WRAP53: variants seen among roughly 807,000 people sequenced by gnomAD.
WRAP53 encodes telomerase Cajal body protein 1.
In WRAP53, 28 loss-of-function variants were observed where a neutral mutation model predicts 56.6. The ratio of observed to expected loss-of-function variants is 0.50; its 90% CI spans 0.37 to 0.68. The LOEUF (loss-of-function observed/expected upper bound fraction) is 0.68. Ranked by LOEUF, WRAP53 falls within the 30% of genes least tolerant of loss-of-function variation. WRAP53 has a pLI of 0.00. For synonymous variants in WRAP53, 283 were observed against 283.4 expected, an observed-to-expected ratio of 1.00 and a Z score of 0.01; for missense variants, 671 against 715.5, an observed-to-expected ratio of 0.94 and a Z score of 0.71.
Position 7,701,460 on chromosome 17 carries a change from G to A in WRAP53, c.733G>A (p.Val245Met), listed in dbSNP as rs144944332. The change falls in exon 6 of 11, where the codon GTG becomes ATG. Residue 245 changes from valine (V) to methionine (M), a missense_variant and splice_region_variant. Coordinates refer to ENST00000396463, the MANE Select transcript of WRAP53 (RefSeq NM_001143992.2). The surrounding 1 kb of genome is among the most constrained non-coding windows in gnomAD (Gnocchi z 4.2). ...TTTCAGTGTCCATGTCTCTCTCAGC[G>A]TGGCCAGCAGCAGCCGGGAGAACCC... The part of the protein sequence containing the change: ...MSSAQPDTSY[V>M]ASSSRENPIH... The A allele has an allele frequency of 2.5e-4, 402 of 1,614,198 alleles. 2 individuals carry two copies. The South Asian group carries it at 3.1e-3, about 13-fold the overall frequency.
intron 4 of WRAP53, among the ~76,000 whole-genome samples, chr17:7,693,181 T>C (rs1014396969): frequency 8.8e-6 from 1 of 113,876 alleles, no homozygotes; most frequent in Non-Finnish European, 1.6e-5. Context: ...CTTTCTTTTT[T>C]TTCTTTTTTT....
intron 4 of WRAP53, among the ~76,000 whole-genome samples, chr17:7,690,769 G>T (rs1031727764): frequency 6.6e-6 from 1 of 151,634 alleles, no homozygotes; most frequent in Non-Finnish European, 1.5e-5. Context: ...AAAATTAGAC[G>T]CATGTGGTGG....
rs777564749 is a variant in WRAP53 at position 7,689,669 on chromosome 17, C to T, written c.610C>T (p.His204Tyr). The change falls in exon 4 of 11, where the codon CAT (histidine) becomes TAT (tyrosine). Residue 204 changes from histidine (H) to tyrosine (Y), a missense_variant. By Grantham distance (83) the His-to-Tyr change is moderately conservative. This residue lies in a region of WRAP53 where 406 missense variants were observed against 418.5 expected (regional missense o/e 0.97). Coordinates refer to ENST00000396463, the MANE Select transcript of WRAP53 (RefSeq NM_001143992.2). Reference sequence around the variant, plus strand: ...TTATAACCTGCCCCCAGAGCTGTACCATGAGGGGGAGCAGGTGGAATATGC... The same window carrying T: ...TTATAACCTGCCCCCAGAGCTGTACTATGAGGGGGAGCAGGTGGAATATGC... ...RIYNLPPELY[H>Y]EGEQVEYAEM... 3 of 1,614,150 alleles carry T rather than the reference C, an allele frequency of 1.9e-6. No homozygotes were observed. Among genetic ancestry groups the T allele is most frequent in the South Asian group, 1.1e-5 (1 of 91,084 alleles).
chr17:7,699,171 G>T (rs1481115892), intron 4 of WRAP53, among the ~76,000 whole-genome samples: 1 of 151,392 alleles, frequency 6.6e-6, no homozygotes, highest in African/African-American at 2.4e-5. Flanking sequence ...TGTAATCCCA[G>T]CACTTTGGGA....
intron 4 of WRAP53, among the ~76,000 whole-genome samples, chr17:7,699,477 TA>T (rs1567577389): frequency 1.2e-3 from 4 of 3,382 alleles, no homozygotes; most frequent in East Asian, 0.011. Flanking sequence ...TATATATATT[TA>T]TATATATATA....
At chr17:7,691,252 C>CA (rs1207096663) in intron 4 of WRAP53, among the ~76,000 whole-genome samples, 2 of 150,294 alleles carry the variant, frequency 1.3e-5, no homozygotes, top group Non-Finnish European at 3.0e-5. Context: ...AAACACAAAA[C>CA]AAAAAACCCA....
In WRAP53 at chr17:7,703,367, C is replaced by T; in HGVS notation, c.1528C>T (p.Leu510Phe). ...CTTGCTCTCCACGCGCCACGTCCAC[C>T]TTGAATGTCGGCTTCAGCTCTGGTG... Reference protein sequence around the residue: ...LPLLSTRHVHLECRLQLWWCG... With the variant: ...LPLLSTRHVHFECRLQLWWCG... Residue 510 changes from leucine to phenylalanine, a missense_variant, in exon 11 of 11, where the codon CTT becomes TTT. Leu to Phe is a conservative substitution (Grantham distance 22). Around this residue, in one of 3 missense-constraint regions of WRAP53, gnomAD observed 107 missense variants for 81.3 expected, o/e 1.32. Transcript: ENST00000396463. 2.5e-6 allele frequency: 4 copies of T among 1,614,062 alleles called. No individual in the cohort carries two copies. Among genetic ancestry groups the T allele is most frequent in the Admixed American group, 1.7e-5 (1 of 60,016 alleles).
chr17:7,698,555 CCT>C (rs1416392045), intron 4 of WRAP53, among the ~76,000 whole-genome samples: 3 of 151,894 alleles, frequency 2.0e-5, no homozygotes, highest in African/African-American at 2.4e-5. Flanking sequence ...AACACAGACC[CCT>C]GTTTCTACAA....
In WRAP53 at chr17:7,701,695, G is replaced by A. The variant is rs1399107184; in HGVS notation, c.861G>A (p.Pro287=). ...LTAAHSLCFS[P]DGSQLFCGFN... ...CAGCCCATTCGCTCTGCTTCTCCCC[G>A]GATGGCTCCCAGCTCTTCTGTGGCT... The change falls in exon 7 of 11, where the codon CCG becomes CCA. Residue 287 remains proline (P), a synonymous_variant. Coordinates refer to ENST00000396463, the MANE Select transcript of WRAP53 (RefSeq NM_001143992.2). The surrounding 1 kb of genome is among the most constrained non-coding windows in gnomAD (Gnocchi z 4.2). 21 of 1,614,088 alleles carry A rather than the reference G, an allele frequency of 1.3e-5. No homozygotes were observed. Among genetic ancestry groups the A allele is most frequent in the East Asian group, 2.2e-5 (1 of 44,896 alleles).
intron 4 of WRAP53, among the ~76,000 whole-genome samples, chr17:7,691,385 G>C (rs1270224407): frequency 6.7e-6 from 1 of 148,618 alleles, no homozygotes; most frequent in Non-Finnish European, 1.5e-5. Context: ...GAAGTCATGA[G>C]AGAGGTGTTT....
chr17:7,702,959 G>T lies in WRAP53; in HGVS notation c.1269-34G>T. On this transcript the variant is annotated intron_variant, in intron 9 of 10. Coordinates refer to ENST00000396463, the MANE Select transcript of WRAP53 (RefSeq NM_001143992.2). This position sits in a 1 kb window ranked among gnomAD's most constrained non-coding sequence, Gnocchi z 5.0. ...GAGGGGTTCCTGCCCCAGGGGTGAGGCCTCTGCCAGCAAATCTCTCCTCTC... is the reference window on the plus strand; with the variant it reads ...GAGGGGTTCCTGCCCCAGGGGTGAGTCCTCTGCCAGCAAATCTCTCCTCTC... 1 of 1,613,164 alleles carries T rather than the reference G, an allele frequency of 6.2e-7. No homozygotes were observed. The highest frequency in any genetic ancestry group is 8.5e-7 in the Non-Finnish European group (1 of 1,180,012).
At position 7,701,322 on chromosome 17, in the gene WRAP53, C is replaced by T; in HGVS notation, c.732-137C>T. ...GTTTCACCATGTTGGCCAGGCTGGT[C>T]TCGAACTCCTGACCTCAAGTGATCC... is the stretch of plus-strand genomic sequence containing the variant. On this transcript the variant is annotated intron_variant, in intron 5 of 10. Transcript: ENST00000396463. The surrounding 1 kb of genome is among the most constrained non-coding windows in gnomAD (Gnocchi z 4.2). 1 of 900,538 alleles carries T rather than the reference C, an allele frequency of 1.1e-6. No homozygotes were observed. The highest frequency in any genetic ancestry group is 1.8e-6 in the Non-Finnish European group (1 of 542,292). The allele number at this position is 900,538 out of a possible 1,614,324, so 55.8% of individuals were successfully genotyped here.
At chr17:7,697,102 C>A (rs936683620) in intron 4 of WRAP53, among the ~76,000 whole-genome samples, 1 of 152,078 alleles carries the variant, frequency 6.6e-6, no homozygotes, top group African/African-American at 2.4e-5. Context: ...AGGTGGATCA[C>A]CCGAGGTCAG....
In WRAP53 at chr17:7,703,366, C is replaced by T; in HGVS notation, c.1527C>T (p.His509=). 1.2e-6 allele frequency: 2 copies of T among 1,614,030 alleles called. No homozygotes were observed. The highest frequency in any genetic ancestry group is 1.7e-6 in the Non-Finnish European group (2 of 1,180,010). ...CCTTGCTCTCCACGCGCCACGTCCACCTTGAATGTCGGCTTCAGCTCTGGT... is the reference window on the plus strand; with the variant it reads ...CCTTGCTCTCCACGCGCCACGTCCATCTTGAATGTCGGCTTCAGCTCTGGT... ...GLPLLSTRHV[H]LECRLQLWWC... The change falls in exon 11 of 11, where the codon CAC becomes CAT. Residue 509 remains histidine (H), a synonymous_variant. Transcript: ENST00000396463.
At chr17:7,699,107 C>G (rs1309673397) in intron 4 of WRAP53, among the ~76,000 whole-genome samples, 1 of 148,050 alleles carries the variant, frequency 6.8e-6, no homozygotes, top group African/African-American at 2.6e-5. Flanking sequence ...ACGTTAGATA[C>G]TGTTTTTTTT....
intron 4 of WRAP53, among the ~76,000 whole-genome samples, chr17:7,691,613 G>C (rs191886318): frequency 6.6e-6 from 1 of 151,988 alleles, no homozygotes; most frequent in African/African-American, 2.4e-5. Context: ...GGATGGTCTC[G>C]TACTCCTGAC....
intron 4 of WRAP53, among the ~76,000 whole-genome samples, chr17:7,691,428 C>T (rs1388268547): frequency 2.2e-5 from 3 of 138,546 alleles, no homozygotes; most frequent in Admixed American, 7.4e-5. Context: ...CTTGCTCTGT[C>T]GCCCAGGCTG....
rs1005581131 is a variant in WRAP53 at position 7,700,930 on chromosome 17, G to A, written c.731+101G>A. 3.4e-5 allele frequency: 29 copies of A among 856,720 alleles called. No homozygotes were observed. In the Admixed American group the frequency reaches 3.6e-4, roughly 11 times the overall value. The allele number at this position is 856,720 out of a possible 1,614,324, so 53.1% of individuals were successfully genotyped here. The stretch of plus-strand genomic sequence containing the variant: ...TGCCAGGGGTCTTTGGAGGAGGAAG[G>A]CTTGGCATGCTTATCAGAGGGGCTG... On this transcript the variant is annotated intron_variant, in intron 5 of 10. Coordinates refer to ENST00000396463, the MANE Select transcript of WRAP53 (RefSeq NM_001143992.2).
At chr17:7,692,343 G>C (rs1428591439) in intron 4 of WRAP53, among the ~76,000 whole-genome samples, 2 of 151,426 alleles carry the variant, frequency 1.3e-5, no homozygotes, top group Non-Finnish European at 2.9e-5. Flanking sequence ...GTTGGGGCTG[G>C]GTGCGGTGGC....
Sources: gnomAD v4.1 joint callset for allele counts (sites outside exome capture counted in the v4.1 genomes callset) on GRCh38, gnomAD v4.1.1 for gene constraint, gnomAD v4.1.1 regional missense constraint, Gnocchi (gnomAD v3.1) non-coding constraint, MANE v1.5 for transcripts, NCBI Gene and HGNC (gene_info 2026-07-23, HGNC 2026-07-21) for gene names.